The following NAA30 variants were observed in gnomAD, a reference collection of about 807,000 sequenced individuals.
NAA30 encodes N-alpha-acetyltransferase 30.
NAA30 carries 5 observed loss-of-function variants against 31.4 expected under a neutral mutation model. That is an observed-to-expected ratio of 0.16 (90% confidence interval 0.08 to 0.33). The LOEUF (loss-of-function observed/expected upper bound fraction) is 0.33. Ranked by LOEUF, NAA30 falls within the 10% of genes least tolerant of loss-of-function variation. The probability of loss-of-function intolerance (pLI) is 1.00; values close to 1 mark genes in which losing one functional copy is unlikely to be tolerated. For missense variants in NAA30, 428 were observed against 490.8 expected (o/e 0.87, Z 1.21); for synonymous variants, 222 against 207.1 (o/e 1.07, Z -0.62).
In NAA30 at chr14:57,406,661, G is replaced by A. The variant is rs1032030487; in HGVS notation, c.952-2718G>A. ...TTTAAAATTGTCACTTTTTATTTACGTGAAATCAATTCCAAGTTTTGAGTT... is the reference window on the plus strand; with the variant it reads ...TTTAAAATTGTCACTTTTTATTTACATGAAATCAATTCCAAGTTTTGAGTT... On this transcript the variant is annotated intron_variant, in intron 4 of 4. Coordinates refer to ENST00000556492, the MANE Select transcript of NAA30 (RefSeq NM_001011713.3). Among the ~76,000 whole-genome samples, 7 of 152,154 alleles carry A rather than the reference G, an allele frequency of 4.6e-5. No individual in the cohort carries two copies. The South Asian group carries it at 6.2e-4, about 14-fold the overall frequency.
intron 4 of NAA30, among the ~76,000 whole-genome samples, chr14:57,403,566 A>G (rs1214408060): frequency 1.3e-5 from 2 of 152,164 alleles, no homozygotes; most frequent in African/African-American, 4.8e-5. Flanking sequence ...TTCATTTTCT[A>G]TGTATTTGGA....
At chr14:57,408,409 C>A (rs1163301270) in intron 4 of NAA30, among the ~76,000 whole-genome samples, 1 of 152,156 alleles carries the variant, frequency 6.6e-6, no homozygotes, top group Non-Finnish European at 1.5e-5. Flanking sequence ...ACCAGTTATT[C>A]ATTGTCAGGG....
In NAA30 at chr14:57,390,963, G is replaced by A. The variant is rs773558377; in HGVS notation, c.6G>A (p.Ala2=). Residue 2 remains alanine, a synonymous_variant, in exon 2 of 5, where the codon GCG becomes GCA. Transcript: ENST00000556492. ...CGGTCTGTGTCGCTTCTAGGATGGC[G>A]GAGGTACCGCCTGGGCCTAGCAGCC... M[A]EVPPGPSSLL... is the part of the protein sequence containing the mutation. 6.8e-7 allele frequency: 1 copy of A among 1,477,242 alleles called. No individual in the cohort carries two copies. Among genetic ancestry groups the A allele is most frequent in the Admixed American group, 2.6e-5 (1 of 38,290 alleles). 91.5% of individuals were successfully genotyped at this position (1,477,242 alleles called of 1,614,324 possible).
intron 2 of NAA30, among the ~76,000 whole-genome samples, chr14:57,392,252 T>C (rs907448936): frequency 6.6e-6 from 1 of 152,166 alleles, no homozygotes; most frequent in Admixed American, 6.5e-5. Context: ...TTCTCTTTAC[T>C]TCAACTGGAC....
In NAA30 at chr14:57,412,539, CAT is replaced by C. The variant is rs1481109567; in HGVS notation, c.*3025_*3026del. 1 of 152,182 alleles carries C rather than the reference CAT, an allele frequency of 6.6e-6. No individual in the cohort carries two copies. Among genetic ancestry groups the C allele is most frequent in the East Asian group, 1.9e-4 (1 of 5,200 alleles). 9.4% of individuals were successfully genotyped at this position (152,182 alleles called of 1,614,324 possible). A position where few individuals can be genotyped will look rare whatever the true frequency, so the allele number is the denominator to read the frequency against. ...TACAGGGCTTTCAGGTTTGTAAAAA[CAT>C]AACCATAAATTATATTGACGTCAGA... On this transcript the variant is annotated 3_prime_UTR_variant, in exon 5 of 5. Transcript: ENST00000556492.
Position 57,414,938 on chromosome 14 carries a change from A to G in NAA30, c.*5422A>G, listed in dbSNP as rs1180847497. Reference sequence around the variant, plus strand: ...AGTGCCAAATTTATCTTCTAATACTACTATTTAAACTATGCAATATGGGGG... The same window carrying G: ...AGTGCCAAATTTATCTTCTAATACTGCTATTTAAACTATGCAATATGGGGG... On this transcript the variant is annotated 3_prime_UTR_variant, in exon 5 of 5. Coordinates refer to ENST00000556492, the MANE Select transcript of NAA30 (RefSeq NM_001011713.3). The G allele has an allele frequency of 2.0e-5, 3 of 152,198 alleles. No homozygotes were observed. The highest frequency in any genetic ancestry group is 2.1e-4 in the South Asian group (1 of 4,834). The allele number at this position is 152,198 out of a possible 1,614,324, so 9.4% of individuals were successfully genotyped here. A position where few individuals can be genotyped will look rare whatever the true frequency, so the allele number is the denominator to read the frequency against.
chr14:57,409,656 CA>C lies in NAA30; in HGVS notation c.*142del, dbSNP rs2066514996. 1.3e-6 allele frequency: 1 copy of C among 741,556 alleles called. No homozygotes were observed. Among genetic ancestry groups the C allele is most frequent in the African/African-American group, 1.8e-5 (1 of 55,318 alleles). The allele number at this position is 741,556 out of a possible 1,614,324, so 45.9% of individuals were successfully genotyped here. A position where few individuals can be genotyped will look rare whatever the true frequency, so the allele number is the denominator to read the frequency against. ...TGTCAGTGTCTCATTGAGTGTCGCACAATATTTGTTGCACTTTGGCATGGCA... is the reference window on the plus strand; with the variant it reads ...TGTCAGTGTCTCATTGAGTGTCGCACATATTTGTTGCACTTTGGCATGGCA... On this transcript the variant is annotated 3_prime_UTR_variant, in exon 5 of 5. Coordinates refer to ENST00000556492, the MANE Select transcript of NAA30 (RefSeq NM_001011713.3).
At chr14:57,409,304 A>T (rs902548600) in intron 4 of NAA30, 75 bp from the exon 5 acceptor site, 31 of 1,192,390 alleles carry the variant, frequency 2.6e-5, no homozygotes, top group African/African-American at 2.2e-4. Flanking sequence ...ATGATTTTTT[A>T]AAAAATTGTT....
chr14:57,395,880 A>T (rs1391240531), intron 2 of NAA30, among the ~76,000 whole-genome samples: 1 of 152,126 alleles, frequency 6.6e-6, no homozygotes, highest in East Asian at 1.9e-4. Flanking sequence ...TTTTCTGAAA[A>T]TTTTTAATTT....
chr14:57,390,739 C>T, intron 1 of NAA30, 34 bp downstream of exon 1: 2 of 442,044 alleles, frequency 4.5e-6, no homozygotes, highest in South Asian at 6.1e-5. Flanking sequence ...AGTGACAGGG[C>T]TGGCGGGTGG....
At position 57,411,530 on chromosome 14, in the gene NAA30, G is replaced by A. The variant is rs1289441582; in HGVS notation, c.*2014G>A. 9.2e-5 allele frequency: 14 copies of A among 152,260 alleles called. No individual in the cohort carries two copies. In the East Asian group the frequency reaches 2.1e-3, roughly 23 times the overall value. 9.4% of individuals were successfully genotyped at this position (152,260 alleles called of 1,614,324 possible). ...CACTAATAGGGATGGTTGTAAAGTA[G>A]ATAGATCATTGGTTCAACCATTTTA... On this transcript the variant is annotated 3_prime_UTR_variant, in exon 5 of 5. Transcript: ENST00000556492.
Position 57,391,786 on chromosome 14 carries a change from A to T in NAA30, c.771+58A>T. On this transcript the variant is annotated intron_variant, in intron 2 of 4. Coordinates refer to ENST00000556492, the MANE Select transcript of NAA30 (RefSeq NM_001011713.3). This position sits in a 1 kb window ranked among gnomAD's most constrained non-coding sequence, Gnocchi z 4.1. ...AGCAGTGATCGAGACTGTGCGGGGC[A>T]GGGAGTGAGGGCCCAGAATGTGGCA... The T allele has an allele frequency of 7.2e-7, 1 of 1,390,058 alleles. No individual in the cohort carries two copies. Among genetic ancestry groups the T allele is most frequent in the Non-Finnish European group, 9.8e-7 (1 of 1,016,076 alleles). The allele number at this position is 1,390,058 out of a possible 1,614,324, so 86.1% of individuals were successfully genotyped here. A position where few individuals can be genotyped will look rare whatever the true frequency, so the allele number is the denominator to read the frequency against.
intron 4 of NAA30, among the ~76,000 whole-genome samples, chr14:57,405,401 T>C: frequency 7.4e-6 from 1 of 134,384 alleles, no homozygotes. Context: ...TTATTATGTA[T>C]TTACTAATAA....
intron 3 of NAA30, 126 bp downstream of exon 3, chr14:57,397,001 G>C (rs2139760050): frequency 1.2e-6 from 1 of 863,602 alleles, no homozygotes; most frequent in East Asian, 2.9e-5. Context: ...AATTAAGGCG[G>C]GTTTTAATTT....
intron 4 of NAA30, among the ~76,000 whole-genome samples, chr14:57,408,392 C>A (rs535194924): frequency 6.6e-6 from 1 of 152,198 alleles, no homozygotes; most frequent in African/African-American, 2.4e-5. Context: ...TCGCAGTTTT[C>A]AAAAATACCA....
In NAA30 at chr14:57,414,324, T is replaced by C. The variant is rs912552049; in HGVS notation, c.*4808T>C. The stretch of plus-strand genomic sequence containing the variant: ...CAATATATTTCATTAATACAGTGTT[T>C]GACCACTTTCCACCCCACCAACCAC... On this transcript the variant is annotated 3_prime_UTR_variant, in exon 5 of 5. Coordinates refer to ENST00000556492, the MANE Select transcript of NAA30 (RefSeq NM_001011713.3). 6.6e-6 allele frequency: 1 copy of C among 152,194 alleles called. No individual in the cohort carries two copies. Among genetic ancestry groups the C allele is most frequent in the Non-Finnish European group, 1.5e-5 (1 of 68,050 alleles). 9.4% of individuals were successfully genotyped at this position (152,194 alleles called of 1,614,324 possible). A position where few individuals can be genotyped will look rare whatever the true frequency, so the allele number is the denominator to read the frequency against.
At position 57,408,235 on chromosome 14, in the gene NAA30, G is replaced by T. The variant is rs534359118; in HGVS notation, c.952-1144G>T. On this transcript the variant is annotated intron_variant, in intron 4 of 4. Coordinates refer to ENST00000556492, the MANE Select transcript of NAA30 (RefSeq NM_001011713.3). ...CCCCACCCACTCCAAACACTTGAGGGTTATGACACCCAATAGTAACTGTGG... is the reference window on the plus strand; with the variant it reads ...CCCCACCCACTCCAAACACTTGAGGTTTATGACACCCAATAGTAACTGTGG... Among the ~76,000 whole-genome samples, 11 of 152,192 alleles carry T rather than the reference G, an allele frequency of 7.2e-5. No individual in the cohort carries two copies. In the South Asian group the frequency reaches 2.3e-3, roughly 32 times the overall value.
At chr14:57,408,042 G>T (rs1176475370) in intron 4 of NAA30, among the ~76,000 whole-genome samples, 2 of 152,176 alleles carry the variant, frequency 1.3e-5, no homozygotes, top group African/African-American at 4.8e-5. Context: ...TGGAATTGAG[G>T]AGGAAGAGCA....
At chr14:57,408,475 C>T (rs1292161556) in intron 4 of NAA30, among the ~76,000 whole-genome samples, 2 of 152,174 alleles carry the variant, frequency 1.3e-5, no homozygotes, top group Non-Finnish European at 2.9e-5. Flanking sequence ...CTATGTGTTC[C>T]TCTGTTAAGC....
Sources: gnomAD v4.1 joint callset for allele counts (sites outside exome capture counted in the v4.1 genomes callset) on GRCh38, gnomAD v4.1.1 for gene constraint, Gnocchi (gnomAD v3.1) non-coding constraint, MANE v1.5 for transcripts, NCBI Gene and HGNC (gene_info 2026-07-23, HGNC 2026-07-21) for gene names.